Variants in SOX5 observed in about 807,000 individuals in gnomAD.
The protein encoded by SOX5 is transcription factor SOX-5.
A neutral mutation model predicts 92.0 loss-of-function variants in SOX5; 9 were observed. The ratio of observed to expected loss-of-function variants is 0.10; its 90% CI spans 0.06 to 0.17. The LOEUF is 0.17. Among genes scored for constraint, SOX5 ranks in the 10% least tolerant of loss-of-function variants. SOX5 has a pLI of 1.00. For missense variants in SOX5, 642 were observed against 944.5 expected (o/e 0.68, Z 4.20); for synonymous variants, 344 against 336.3 (o/e 1.02, Z -0.25).
chr12:23,715,384 T>A (rs2092414610), intron 6 of SOX5, among the ~76,000 whole-genome samples: 2 of 152,156 alleles, frequency 1.3e-5, no homozygotes, highest in Non-Finnish European at 2.9e-5. Context: ...ATGAGTTTCA[T>A]CATTTCACAC....
At chr12:23,959,721 C>A (rs1946681597) in intron 4 of SOX5, among the ~76,000 whole-genome samples, 1 of 152,030 alleles carries the variant, frequency 6.6e-6, no homozygotes. Flanking sequence ...GTAAAATAAG[C>A]AAGCAATACA....
At chr12:23,724,996 T>C (rs2093038222) in intron 6 of SOX5, among the ~76,000 whole-genome samples, 1 of 152,168 alleles carries the variant, frequency 6.6e-6, no homozygotes, top group African/African-American at 2.4e-5. Flanking sequence ...ATGGTGTTGG[T>C]CAATTTGACA....
chr12:23,756,335 G>A (rs144585318), intron 3 of SOX5, among the ~76,000 whole-genome samples: 5 of 151,716 alleles, frequency 3.3e-5, no homozygotes, highest in African/African-American at 1.2e-4. Context: ...CCTATTATTT[G>A]CTTATTTCAG....
chr12:23,638,071 TA>T lies in SOX5; in HGVS notation c.1017+2740del, dbSNP rs1010359837. 548 of 138,020 alleles carry T rather than the reference TA, an allele frequency of 4.0e-3. 1 individual carries two copies. Among genetic ancestry groups the T allele is most frequent in the East Asian group, 9.3e-3 (45 of 4,844 alleles). The allele number at this position is 138,020 out of a possible 1,614,324, so 8.5% of individuals were successfully genotyped here. A position where few individuals can be genotyped will look rare whatever the true frequency, so the allele number is the denominator to read the frequency against. On this transcript the variant is annotated intron_variant, in intron 8 of 14. Coordinates refer to ENST00000451604, the MANE Select transcript of SOX5 (RefSeq NM_006940.6). Reference sequence around the variant, plus strand: ...TGGCCAATAGTGGTGACACCCCAAATAAAAAAAAAAAGAGTAGGAAGCATAG... The same window carrying T: ...TGGCCAATAGTGGTGACACCCCAAATAAAAAAAAAAGAGTAGGAAGCATAG...
intron 4 of SOX5, among the ~76,000 whole-genome samples, chr12:23,966,358 A>G (rs1947584540): frequency 6.6e-6 from 1 of 152,136 alleles, no homozygotes; most frequent in Admixed American, 6.5e-5. Context: ...AGTAACTGTC[A>G]TCATAAACAT....
At chr12:24,481,594 A>T (rs191842727) in intron 1 of SOX5, among the ~76,000 whole-genome samples, 1 of 152,350 alleles carries the variant, frequency 6.6e-6, no homozygotes, top group Non-Finnish European at 1.5e-5. Flanking sequence ...TTTTTAAAAA[A>T]AGAATTCTAA....
At chr12:23,970,875 T>C (rs1948243543) in intron 4 of SOX5, among the ~76,000 whole-genome samples, 1 of 122,010 alleles carries the variant, frequency 8.2e-6, no homozygotes, top group Admixed American at 8.2e-5. Context: ...GGCTTGATTC[T>C]AACTCCTGGG....
At chr12:23,847,540 A>T (rs1026599406) in intron 2 of SOX5, among the ~76,000 whole-genome samples, 3 of 152,172 alleles carry the variant, frequency 2.0e-5, no homozygotes, top group Non-Finnish European at 4.4e-5. Flanking sequence ...TAGATTAAAA[A>T]TAGATACGTC....
intron 4 of SOX5, among the ~76,000 whole-genome samples, chr12:24,118,849 T>G (rs181140637): frequency 6.6e-6 from 1 of 152,292 alleles, no homozygotes; most frequent in East Asian, 1.9e-4. Context: ...AACTTTAAAT[T>G]ACACAAATGT....
At chr12:24,355,963 G>T (rs1954779145) in intron 2 of SOX5, among the ~76,000 whole-genome samples, 1 of 152,118 alleles carries the variant, frequency 6.6e-6, no homozygotes, top group Non-Finnish European at 1.5e-5. Context: ...TTAAAAAATA[G>T]AAAGATGCAA....
At chr12:23,643,890 G>A (rs73091380) in intron 7 of SOX5, among the ~76,000 whole-genome samples, 10,483 of 152,100 alleles carry the variant, frequency 0.069, 493 homozygotes, top group Non-Finnish European at 0.098. Flanking sequence ...AGATTCAGAT[G>A]AGGAGCATTA....
Position 24,405,051 on chromosome 12 carries a change from G to A in SOX5, c.-250-36412C>T, listed in dbSNP as rs189041561. Among the ~76,000 whole-genome samples, 35 of 152,184 alleles carry A rather than the reference G, an allele frequency of 2.3e-4. No homozygotes were observed. In the East Asian group the frequency reaches 5.8e-3, roughly 25 times the overall value. The stretch of plus-strand genomic sequence containing the variant: ...CAGAACAGATTCTTCGCCTGCAGCC[G>A]TCAGAAGGAAACTACCCTTCTGTCA... On this transcript the variant is annotated intron_variant, in intron 1 of 4. Coordinates refer to the SOX5 transcript ENST00000446891.
intron 2 of SOX5, among the ~76,000 whole-genome samples, chr12:24,352,571 G>T (rs1379694805): frequency 6.6e-6 from 1 of 152,116 alleles, no homozygotes; most frequent in Non-Finnish European, 1.5e-5. Context: ...TTTTCTAGTT[G>T]ACTTCTCTTT....
intron 3 of SOX5, among the ~76,000 whole-genome samples, chr12:24,277,054 C>A (rs1180000586): frequency 1.3e-5 from 2 of 151,938 alleles, no homozygotes; most frequent in South Asian, 2.1e-4. Flanking sequence ...AGCCAGTTGT[C>A]ATCTGAATAT....
At chr12:23,539,623 G>A (rs890425625) in intron 13 of SOX5, among the ~76,000 whole-genome samples, 1 of 149,408 alleles carries the variant, frequency 6.7e-6, no homozygotes, top group African/African-American at 2.5e-5. Context: ...AAAAAAAAGA[G>A]GAAAAAAAGA....
chr12:23,681,495 C>T (rs1444014721), intron 6 of SOX5, among the ~76,000 whole-genome samples: 5 of 151,318 alleles, frequency 3.3e-5, no homozygotes, highest in Admixed American at 6.6e-5. Context: ...CTATAGTTTA[C>T]AAGAGATATA....
rs1432345579 is a variant in SOX5, at chr12:24,185,769, T to C, written c.-2+27574A>G. ...AACACTTGAAACAGTGCCTCATACA[T>C]AGACATTCCATAATAAATGTTATCC... On this transcript the variant is annotated intron_variant, in intron 4 of 4. Coordinates refer to the SOX5 transcript ENST00000446891. Among the ~76,000 whole-genome samples the C allele has an allele frequency of 3.3e-5, 5 of 152,202 alleles. No individual in the cohort carries two copies. In the East Asian group the frequency reaches 7.7e-4, roughly 23 times the overall value.
chr12:23,776,486 A>G (rs1363229636), intron 3 of SOX5, among the ~76,000 whole-genome samples: 4 of 152,232 alleles, frequency 2.6e-5, no homozygotes, highest in African/African-American at 7.2e-5. Context: ...AAGGGACCTT[A>G]GAAGTCACAT....
chr12:23,671,943 T>G (rs1359865808), intron 6 of SOX5, among the ~76,000 whole-genome samples: 1 of 152,080 alleles, frequency 6.6e-6, no homozygotes, highest in Non-Finnish European at 1.5e-5. Context: ...CCACAGAACT[T>G]TTTTTAAAAA....
Sources: gnomAD v4.1 joint callset for allele counts (sites outside exome capture counted in the v4.1 genomes callset) on GRCh38, gnomAD v4.1.1 for gene constraint, MANE v1.5 for transcripts, NCBI Gene and HGNC (gene_info 2026-07-23, HGNC 2026-07-21) for gene names.